Variants in HECW2 observed in about 807,000 individuals in gnomAD.
HECW2 encodes the protein E3 ubiquitin-protein ligase HECW2.
Under a neutral mutation model 175.2 loss-of-function variants are expected in HECW2, and 61 were observed. The observed-to-expected ratio is 0.35, with a 90% CI of 0.28 to 0.43. The LOEUF (loss-of-function observed/expected upper bound fraction) is 0.43. Among genes scored for constraint, HECW2 ranks in the 20% least tolerant of loss-of-function variants. The pLI is 1.00. For synonymous variants in HECW2, 671 were observed against 731.0 expected, an observed-to-expected ratio of 0.92 and a Z score of 1.32; for missense variants, 1,524 against 2,000.5, an observed-to-expected ratio of 0.76 and a Z score of 4.54.
At chr2:196,272,600 T>G (rs1222006953) in intron 16 of HECW2, among the ~76,000 whole-genome samples, 2 of 152,190 alleles carry the variant, frequency 1.3e-5, no homozygotes, top group African/African-American at 4.8e-5. Context: ...ATCTGCCATT[T>G]CCAATCTTAC....
intron 28 of HECW2, among the ~76,000 whole-genome samples, chr2:196,203,146 A>G (rs900089323): frequency 2.6e-5 from 4 of 152,082 alleles, no homozygotes; most frequent in Non-Finnish European, 4.4e-5. Flanking sequence ...CAACTGTATG[A>G]GTTTTAGGGT....
At chr2:196,369,342 G>GTC (rs71410611) in intron 2 of HECW2, among the ~76,000 whole-genome samples, 16,522 of 131,224 alleles carry the variant, frequency 0.13, 1,080 homozygotes, top group Non-Finnish European at 0.14. Context: ...AACAAATGGA[G>GTC]TCTCTCTCTC....
At chr2:196,399,149 A>G (rs1384250328) in intron 2 of HECW2, among the ~76,000 whole-genome samples, 1 of 152,036 alleles carries the variant, frequency 6.6e-6, no homozygotes, top group Non-Finnish European at 1.5e-5. Flanking sequence ...GAGCATGTAC[A>G]CTCCGGAAGC....
At chr2:196,367,583 T>A (rs1693779389) in intron 2 of HECW2, among the ~76,000 whole-genome samples, 1 of 152,192 alleles carries the variant, frequency 6.6e-6, no homozygotes, top group African/African-American at 2.4e-5. Flanking sequence ...CTAGATCTTA[T>A]TCATTCTATC....
In HECW2 at chr2:196,292,612, G is replaced by A. The variant is rs755101019; in HGVS notation, c.2953C>T (p.Leu985=). ...GFLNMFANKQ[L]ELPRGWEMKH... is the part of the protein sequence containing the mutation. ...ATTTCCCATCCCCGCGGCAGCTCTA[G>A]CTGTTTGTTCGCGAACATGTTGAGG... Residue 985 remains leucine (L), a synonymous_variant, in exon 14 of 29, where the codon CTA becomes TTA. Transcript: ENST00000644978. The A allele has an allele frequency of 1.2e-6, 2 of 1,614,152 alleles. No homozygotes were observed. The highest frequency in any genetic ancestry group is 3.3e-5 in the Admixed American group (2 of 60,024).
chr2:196,408,160 G>C (rs1218053219), intron 2 of HECW2, among the ~76,000 whole-genome samples: 4 of 152,174 alleles, frequency 2.6e-5, no homozygotes, highest in African/African-American at 7.2e-5. Flanking sequence ...TCAAAAGGCT[G>C]TGCTGAAAAT....
In HECW2 at chr2:196,319,028, C is replaced by G. The variant is rs747112374; in HGVS notation, c.1862G>C (p.Arg621Thr). 3 of 1,613,808 alleles carry G rather than the reference C, an allele frequency of 1.9e-6. No individual in the cohort carries two copies. The highest frequency in any genetic ancestry group is 2.5e-6 in the Non-Finnish European group (3 of 1,179,956). The change falls in exon 9 of 29, where the codon AGG (arginine) becomes ACG (threonine). Residue 621 changes from arginine (R) to threonine (T), a missense_variant. Around this residue, in one of 11 missense-constraint regions of HECW2, gnomAD observed 604 missense variants for 588.3 expected, o/e 1.03. Transcript: ENST00000644978. The stretch of plus-strand genomic sequence containing the variant: ...GCTGGCTTCGCTCACACTCTCTGTC[C>G]TGGCAGGATCACTGGGTTCTGTTTC... ...SSETEPSDPA[R>T]TESVSEASTR...
intron 15 of HECW2, among the ~76,000 whole-genome samples, chr2:196,278,121 GT>G (rs1318519888): frequency 7.8e-4 from 31 of 39,590 alleles, no homozygotes; most frequent in African/African-American, 1.7e-3. Context: ...AGAACTTAAA[GT>G]ATAATTAAAA....
At chr2:196,302,825 G>A (rs1691114804) in intron 13 of HECW2, among the ~76,000 whole-genome samples, 1 of 152,174 alleles carries the variant, frequency 6.6e-6, no homozygotes, top group Admixed American at 6.5e-5. Context: ...TGAGAGGACT[G>A]GGTTTTCTAG....
At chr2:196,434,273 T>C (rs1695806264) in intron 1 of HECW2, among the ~76,000 whole-genome samples, 1 of 152,204 alleles carries the variant, frequency 6.6e-6, no homozygotes, top group Admixed American at 6.5e-5. Context: ...ATCTTTCTCC[T>C]AGATACTTCT....
chr2:196,242,248 G>T (rs750041386), intron 19 of HECW2, 44 bp from the exon 20 acceptor site: 1 of 1,612,180 alleles, frequency 6.2e-7, no homozygotes, highest in Non-Finnish European at 8.5e-7. Context: ...TTTGTGCCTC[G>T]TCCTTATGTT....
chr2:196,344,968 T>C (rs1387716371), intron 2 of HECW2, among the ~76,000 whole-genome samples: 2 of 152,200 alleles, frequency 1.3e-5, no homozygotes, highest in African/African-American at 4.8e-5. Context: ...GTTTTTTTTG[T>C]GGTTGCCCTA....
At chr2:196,371,548 T>C (rs758987842) in intron 2 of HECW2, among the ~76,000 whole-genome samples, 54 of 152,240 alleles carry the variant, frequency 3.5e-4, no homozygotes, top group Non-Finnish European at 6.3e-4. Flanking sequence ...GAGATAGGTC[T>C]AGAAACTGAC....
At chr2:196,304,315 T>C (rs1691181615) in intron 13 of HECW2, among the ~76,000 whole-genome samples, 1 of 152,124 alleles carries the variant, frequency 6.6e-6, no homozygotes, top group Non-Finnish European at 1.5e-5. Flanking sequence ...GGCCTTCCTG[T>C]CCACCTGATC....
intron 2 of HECW2, among the ~76,000 whole-genome samples, chr2:196,370,666 C>T (rs1475193631): frequency 6.6e-6 from 1 of 152,118 alleles, no homozygotes; most frequent in East Asian, 1.9e-4. Context: ...GCAATTTAAC[C>T]CATGGTGGCG....
At chr2:196,267,078 GGAAGC>G (rs1689546798) in intron 17 of HECW2, among the ~76,000 whole-genome samples, 1 of 152,146 alleles carries the variant, frequency 6.6e-6, no homozygotes, top group African/African-American at 2.4e-5. Context: ...GAGTTATATA[GGAAGC>G]ACTCAAGGAG....
chr2:196,305,807 T>C (rs1213311370), intron 13 of HECW2, among the ~76,000 whole-genome samples: 1 of 152,212 alleles, frequency 6.6e-6, no homozygotes, highest in Non-Finnish European at 1.5e-5. Context: ...TATCAACACA[T>C]GCCATGATGA....
At chr2:196,342,177 G>T (rs573501993) in intron 3 of HECW2, among the ~76,000 whole-genome samples, 80 of 151,922 alleles carry the variant, frequency 5.3e-4, no homozygotes, top group Non-Finnish European at 1.0e-3. Flanking sequence ...GGCTGAGGCG[G>T]GCGGATCACC....
At chr2:196,352,311 C>T (rs17830265) in intron 2 of HECW2, among the ~76,000 whole-genome samples, 5,000 of 151,978 alleles carry the variant, frequency 0.033, 130 homozygotes, top group Middle Eastern at 0.058. Context: ...ACAGTGTGCC[C>T]GAGAATGCAG....
Sources: gnomAD v4.1 joint callset for allele counts (sites outside exome capture counted in the v4.1 genomes callset) on GRCh38, gnomAD v4.1.1 for gene constraint, gnomAD v4.1.1 regional missense constraint, MANE v1.5 for transcripts, NCBI Gene and HGNC (gene_info 2026-07-23, HGNC 2026-07-21) for gene names.